Variants in CDC73 observed in about 807,000 individuals in gnomAD.
The protein encoded by CDC73 is parafibromin.
CDC73 carries 21 observed loss-of-function variants against 83.7 expected under a neutral mutation model. The observed-to-expected ratio is 0.25, with a 90% CI of 0.18 to 0.36. The LOEUF is 0.36. Ranked by LOEUF, CDC73 falls within the 10% of genes least tolerant of loss-of-function variation. The pLI is 1.00. For synonymous variants in CDC73, 224 were observed against 212.9 expected (o/e 1.05, Z -0.45); for missense variants, 342 against 653.3 (o/e 0.52, Z 5.19).
At chr1:193,144,815 CT>C (rs34816338) in intron 7 of CDC73, among the ~76,000 whole-genome samples, 53,887 of 139,106 alleles carry the variant, frequency 0.39, 10,127 homozygotes, top group South Asian at 0.6. Context: ...ATTTGGCAGA[CT>C]TTTTTTTTTT....
intron 15 of CDC73, among the ~76,000 whole-genome samples, chr1:193,244,589 C>T (rs1017872424): frequency 5.9e-5 from 9 of 152,138 alleles, no homozygotes; most frequent in East Asian, 1.9e-4. Flanking sequence ...GCAAGTGTAA[C>T]GTTTTTTAAC....
Position 193,212,382 on chromosome 1 carries a change from C to G in CDC73, c.1067-8C>G, listed in dbSNP as rs780485546. The G allele has an allele frequency of 2.6e-6, 4 of 1,547,218 alleles. No individual in the cohort carries two copies. Among genetic ancestry groups the G allele is most frequent in the Non-Finnish European group, 3.5e-6 (4 of 1,129,404 alleles). On this transcript the variant is annotated splice_region_variant and splice_polypyrimidine_tract_variant and intron_variant, in intron 12 of 16. Transcript: ENST00000367435. The stretch of plus-strand genomic sequence containing the variant: ...TATATTTTCTACCTGTAAATTTTGT[C>G]TTTATAGGATCTCGAACACCCATTA...
At chr1:193,192,408 A>T (rs539095873) in intron 10 of CDC73, among the ~76,000 whole-genome samples, 1 of 152,182 alleles carries the variant, frequency 6.6e-6, no homozygotes, top group African/African-American at 2.4e-5. Flanking sequence ...GCGCCACTGC[A>T]CTCCAGCCTG....
At chr1:193,180,502 T>A in intron 10 of CDC73, 2 of 1,614,002 alleles carry the variant, frequency 1.2e-6, no homozygotes, top group South Asian at 1.1e-5. Flanking sequence ...GGGTACAGGA[T>A]CAATTCTCAA....
chr1:193,225,670 A>T (rs1266929006), intron 13 of CDC73, among the ~76,000 whole-genome samples: 1 of 151,570 alleles, frequency 6.6e-6, no homozygotes, highest in East Asian at 1.9e-4. Flanking sequence ...GATGTTGAGC[A>T]TTTTTTTCAT....
chr1:193,129,524 A>ATTTATTTATTTG (rs1675653718), intron 2 of CDC73, among the ~76,000 whole-genome samples: 1 of 151,676 alleles, frequency 6.6e-6, no homozygotes, highest in African/African-American at 2.4e-5. Context: ...TTATTTATTT[A>ATTTATTTATTTG]GAGACGGAAT....
chr1:193,205,043 A>G (rs1436574483), intron 11 of CDC73, among the ~76,000 whole-genome samples: 2 of 152,098 alleles, frequency 1.3e-5, no homozygotes, highest in Admixed American at 6.5e-5. Flanking sequence ...TCTTCCCCCT[A>G]TTCCTAGTAA....
chr1:193,236,456 A>G (rs1677759840), intron 15 of CDC73, 100 bp downstream of exon 15: 3 of 803,610 alleles, frequency 3.7e-6, no homozygotes, highest in Non-Finnish European at 6.6e-6. Flanking sequence ...GTGTATGTCA[A>G]AAGATTGCTG....
At chr1:193,185,677 T>G (rs1676794503) in intron 10 of CDC73, among the ~76,000 whole-genome samples, 1 of 152,208 alleles carries the variant, frequency 6.6e-6, no homozygotes, top group South Asian at 2.1e-4. Flanking sequence ...GGATTCAGTT[T>G]GACCTAATTT....
chr1:193,144,476 T>G (rs1006900577), intron 7 of CDC73, among the ~76,000 whole-genome samples: 1 of 152,042 alleles, frequency 6.6e-6, no homozygotes, highest in Non-Finnish European at 1.5e-5. Flanking sequence ...TAAGATTTTA[T>G]GTGCATTTTT....
At chr1:193,122,925 A>G (rs1480307153) in intron 1 of CDC73, among the ~76,000 whole-genome samples, 1 of 152,166 alleles carries the variant, frequency 6.6e-6, no homozygotes. Flanking sequence ...AGTTGGTGAA[A>G]TGAGTGAGCT....
rs373406898 is a variant in CDC73 at position 193,165,760 on chromosome 1, A to G, written c.972+13316A>G. Among the ~76,000 whole-genome samples, 29 of 152,324 alleles carry G rather than the reference A, an allele frequency of 1.9e-4. No homozygotes were observed. The South Asian group carries it at 5.8e-3, about 30-fold the overall frequency. On this transcript the variant is annotated intron_variant, in intron 10 of 16. Coordinates refer to ENST00000367435, the MANE Select transcript of CDC73 (RefSeq NM_024529.5). Reference sequence around the variant, plus strand: ...TCGTATCTCTCTCTCCCTCCCACATATGCATAAAATTGATCAAAATGTGGT... The same window carrying G: ...TCGTATCTCTCTCTCCCTCCCACATGTGCATAAAATTGATCAAAATGTGGT...
chr1:193,217,424 A>G (rs1302805128), intron 13 of CDC73, among the ~76,000 whole-genome samples: 1 of 151,828 alleles, frequency 6.6e-6, no homozygotes, highest in Non-Finnish European at 1.5e-5. Context: ...GCAAGGTTTT[A>G]TTGAGTAGAA....
Position 193,208,436 on chromosome 1 carries a change from G to A in CDC73, c.1031-3629G>A, listed in dbSNP as rs897247641. On this transcript the variant is annotated intron_variant, in intron 11 of 16. Transcript: ENST00000367435. ...ATAACCATCTTTCTAGAAATTCATT[G>A]CTATTATATTTTATTCAGTTGGCTT... Among the ~76,000 whole-genome samples, 11 of 152,094 alleles carry A rather than the reference G, an allele frequency of 7.2e-5. 1 individual carries two copies. Among genetic ancestry groups the A allele is most frequent in the Non-Finnish European group, 1.2e-4 (8 of 68,018 alleles).
chr1:193,122,182 G>T lies in CDC73; in HGVS notation c.-19G>T, dbSNP rs1675461007. Reference sequence around the variant, plus strand: ...GGCAGCGGCGGCGCCCCGAGCCGGCGGAGGCGAGGGGGGGGAAGATGGCGG... The same window carrying T: ...GGCAGCGGCGGCGCCCCGAGCCGGCTGAGGCGAGGGGGGGGAAGATGGCGG... On this transcript the variant is annotated 5_prime_UTR_variant, in exon 1 of 17. Transcript: ENST00000367435. 3 of 1,611,994 alleles carry T rather than the reference G, an allele frequency of 1.9e-6. No individual in the cohort carries two copies. The highest frequency in any genetic ancestry group is 2.5e-6 in the Non-Finnish European group (3 of 1,178,454).
At chr1:193,163,461 TGCGCCACCACACTCCA>T (rs1676377646) in intron 10 of CDC73, among the ~76,000 whole-genome samples, 2 of 152,020 alleles carry the variant, frequency 1.3e-5, no homozygotes, top group African/African-American at 4.8e-5. Context: ...GAGCCATGAT[TGCGCCACCACACTCCA>T]GCGTGGGCAA....
At chr1:193,144,874 A>T (rs948391021) in intron 7 of CDC73, among the ~76,000 whole-genome samples, 2 of 150,366 alleles carry the variant, frequency 1.3e-5, no homozygotes, top group African/African-American at 4.9e-5. Flanking sequence ...AAAGCAACTG[A>T]TAGTATTTGT....
At chr1:193,181,072 A>G (rs551420555) in intron 10 of CDC73, 5 of 1,614,000 alleles carry the variant, frequency 3.1e-6, no homozygotes, top group East Asian at 4.5e-5. Context: ...TCTAGCTTCT[A>G]TTTGTCCAGG....
chr1:193,210,227 A>G (rs1299495010), intron 11 of CDC73, among the ~76,000 whole-genome samples: 1 of 152,228 alleles, frequency 6.6e-6, no homozygotes, highest in Non-Finnish European at 1.5e-5. Context: ...ATGACAGTTT[A>G]TCACAATGAG....
Sources: gnomAD v4.1 joint callset for allele counts (sites outside exome capture counted in the v4.1 genomes callset) on GRCh38, gnomAD v4.1.1 for gene constraint, MANE v1.5 for transcripts, NCBI Gene and HGNC (gene_info 2026-07-23, HGNC 2026-07-21) for gene names.